Variants in HNRNPAB observed in about 807,000 individuals in gnomAD.
HNRNPAB encodes heterogeneous nuclear ribonucleoprotein A/B, also known as ABBP-1.
A neutral mutation model predicts 44.1 loss-of-function variants in HNRNPAB; 17 were observed. The ratio of observed to expected loss-of-function variants is 0.39; its 90% confidence interval spans 0.26 to 0.58. The LOEUF (loss-of-function observed/expected upper bound fraction) is 0.58. Ranked by LOEUF, HNRNPAB falls within the 20% of genes least tolerant of loss-of-function variation. The pLI, the probability that HNRNPAB is intolerant of heterozygous loss-of-function variation, is 0.63. For missense variants in HNRNPAB, 393 were observed against 432.7 expected (o/e 0.91, Z 0.81); for synonymous variants, 183 against 167.6 (o/e 1.09, Z -0.71).
Position 178,207,033 on chromosome 5 carries a change from G to C in HNRNPAB, c.538-61G>C, listed in dbSNP as rs1159992019. ...TTCAATGGGGTCTTTTCTCCTGTGA[G>C]TCCCCTATATGCTCTGGGGTAGGGA... On this transcript the variant is annotated intron_variant, in intron 4 of 7. Coordinates refer to ENST00000358344, the MANE Select transcript of HNRNPAB (RefSeq NM_031266.3). The C allele has an allele frequency of 3.8e-6, 6 of 1,598,658 alleles. No individual in the cohort carries two copies. In the Admixed American group the frequency reaches 1.0e-4, roughly 27 times the overall value.
At chr5:178,206,595 G>A in intron 3 of HNRNPAB, 137 bp from the exon 4 acceptor site, 1 of 820,464 alleles carries the variant, frequency 1.2e-6, no homozygotes, top group Non-Finnish European at 2.0e-6. Context: ...AAATTGGGTT[G>A]GGAGGTTAAG....
chr5:178,210,119 G>C lies in HNRNPAB; in HGVS notation c.788-13G>C, dbSNP rs761699384. 1.2e-6 allele frequency: 2 copies of C among 1,613,766 alleles called. No homozygotes were observed. Among genetic ancestry groups the C allele is most frequent in the African/African-American group, 2.7e-5 (2 of 74,922 alleles). On this transcript the variant is annotated splice_polypyrimidine_tract_variant and intron_variant, in intron 6 of 7. Coordinates refer to ENST00000358344, the MANE Select transcript of HNRNPAB (RefSeq NM_031266.3). ...AATGGTCCACGGGCCCCTGTGCCCTGCTCCCCCCACAGGTCAGAGTCAGAG... is the reference window on the plus strand; with the variant it reads ...AATGGTCCACGGGCCCCTGTGCCCTCCTCCCCCCACAGGTCAGAGTCAGAG...
chr5:178,210,745 TAAA>T lies in HNRNPAB; in HGVS notation c.*124_*126del. ...TTGCCTGTCCCATGTGCATCTTATTTAAAATTTCCCCCATGGAAATCACTCTCC... is the reference window on the plus strand; with the variant it reads ...TTGCCTGTCCCATGTGCATCTTATTTATTTCCCCCATGGAAATCACTCTCC... On this transcript the variant is annotated 3_prime_UTR_variant, in exon 8 of 8. Coordinates refer to ENST00000358344, the MANE Select transcript of HNRNPAB (RefSeq NM_031266.3). 1.3e-6 allele frequency: 1 copy of T among 756,112 alleles called. No individual in the cohort carries two copies. The highest frequency in any genetic ancestry group is 2.3e-6 in the Non-Finnish European group (1 of 434,192). The allele number at this position is 756,112 out of a possible 1,614,324, so 46.8% of individuals were successfully genotyped here.
At chr5:178,208,226 G>T (rs1160809582) in intron 5 of HNRNPAB, among the ~76,000 whole-genome samples, 1 of 152,212 alleles carries the variant, frequency 6.6e-6, no homozygotes, top group Non-Finnish European at 1.5e-5. Flanking sequence ...TTCTGAGCAG[G>T]AGTTGGCAGC....
At chr5:178,210,063 A>C in intron 6 of HNRNPAB, 69 bp from the exon 7 acceptor site, 1 of 1,583,354 alleles carries the variant, frequency 6.3e-7, no homozygotes, top group South Asian at 1.2e-5. Context: ...AAAGGGCAGG[A>C]TTTCCTCCAT....
intron 6 of HNRNPAB, among the ~76,000 whole-genome samples, chr5:178,209,764 G>T (rs990137243): frequency 2.6e-5 from 4 of 152,162 alleles, no homozygotes; most frequent in African/African-American, 9.7e-5. Context: ...AGGCAGAAGG[G>T]TGGGTAGGGC....
At chr5:178,206,915 C>A in intron 4 of HNRNPAB, 25 bp downstream of exon 4, 4 of 1,612,706 alleles carry the variant, frequency 2.5e-6, no homozygotes, top group Non-Finnish European at 3.4e-6. Flanking sequence ...GGGAATAGCC[C>A]ATCAGCTGCC....
rs1758203928 is a variant in HNRNPAB at position 178,211,112 on chromosome 5, C to T, written c.*489C>T. ...TACACGTGTCCTGATTTTGCCACAA[C>T]CTGGATATTGAAGCTATCCAAGCTT... On this transcript the variant is annotated 3_prime_UTR_variant, in exon 8 of 8. Transcript: ENST00000358344. 6.3e-6 allele frequency: 1 copy of T among 158,838 alleles called. No individual in the cohort carries two copies. The highest frequency in any genetic ancestry group is 1.4e-5 in the Non-Finnish European group (1 of 72,260). The allele number at this position is 158,838 out of a possible 1,614,324, so 9.8% of individuals were successfully genotyped here. A position where few individuals can be genotyped will look rare whatever the true frequency, so the allele number is the denominator to read the frequency against.
intron 3 of HNRNPAB, 88 bp downstream of exon 3, chr5:178,206,098 T>A: frequency 7.6e-7 from 1 of 1,313,314 alleles, no homozygotes; most frequent in Admixed American, 2.1e-5. Context: ...CTAGTTTGTG[T>A]GGTCTGCATG....
rs1358492979 is a variant in HNRNPAB at position 178,210,935 on chromosome 5, TAA to T, written c.*314_*315del. On this transcript the variant is annotated 3_prime_UTR_variant, in exon 8 of 8. Transcript: ENST00000358344. ...AGCCTGGACCTGTGGACCCTGGTTG[TAA>T]AGAGTAAATTGTATCTTAGGAAACC... is the stretch of plus-strand genomic sequence containing the variant. 2.1e-5 allele frequency: 8 copies of T among 385,852 alleles called. No homozygotes were observed. The highest frequency in any genetic ancestry group is 3.8e-5 in the Non-Finnish European group (8 of 213,006). 23.9% of individuals were successfully genotyped at this position (385,852 alleles called of 1,614,324 possible).
In HNRNPAB at chr5:178,209,425, CGGAGGTGGTGGT is replaced by C. The variant is rs770899521; in HGVS notation, c.774_785del (p.Gly260_Gly263del). 15 of 1,613,894 alleles carry C rather than the reference CGGAGGTGGTGGT, an allele frequency of 9.3e-6. No homozygotes were observed. In the South Asian group the frequency reaches 1.1e-4, roughly 12 times the overall value. The stretch of plus-strand genomic sequence containing the variant: ...ACCGCAACCGAGGGAACCGAGGCAG[CGGAGGTGGTGGT>C]GGAGGTGGAGGTGAGTGGAACGTGG... On this transcript the variant is annotated inframe_deletion, in exon 6 of 8. Coordinates refer to ENST00000358344, the MANE Select transcript of HNRNPAB (RefSeq NM_031266.3).
intron 5 of HNRNPAB, chr5:178,208,480 G>A (rs1757218518): frequency 2.0e-5 from 3 of 152,204 alleles, no homozygotes; most frequent in Admixed American, 6.5e-5. Context: ...GTGAGTCTTA[G>A]GAGTAAGTAT....
At chr5:178,205,616 TCTTTG>T (rs1299417603) in intron 2 of HNRNPAB, 8 of 509,502 alleles carry the variant, frequency 1.6e-5, no homozygotes, top group Non-Finnish European at 2.8e-5. Context: ...GGTGGTCCCT[TCTTTG>T]CTTCTCACAG....
intron 7 of HNRNPAB, 120 bp from the exon 8 acceptor site, chr5:178,210,431 AAC>A (rs1196337649): frequency 1.3e-6 from 2 of 1,517,032 alleles, no homozygotes; most frequent in African/African-American, 2.8e-5. Flanking sequence ...GGGTCTTAAT[AAC>A]ATGAGGAAGG....
intron 3 of HNRNPAB, among the ~76,000 whole-genome samples, 162 bp from the exon 4 acceptor site, chr5:178,206,570 C>G (rs1757068615): frequency 6.6e-6 from 1 of 152,140 alleles, no homozygotes; most frequent in African/African-American, 2.4e-5. Context: ...ACCAGCTGTA[C>G]TTGAGGTTTG....
At position 178,204,695 on chromosome 5, in the gene HNRNPAB, C is replaced by G. The variant is rs1037635112; in HGVS notation, c.-69C>G. 5 of 391,166 alleles carry G rather than the reference C, an allele frequency of 1.3e-5. No homozygotes were observed. Among genetic ancestry groups the G allele is most frequent in the Admixed American group, 4.9e-5 (1 of 20,324 alleles). The allele number at this position is 391,166 out of a possible 1,614,324, so 24.2% of individuals were successfully genotyped here. On this transcript the variant is annotated 5_prime_UTR_variant, in exon 1 of 8. Coordinates refer to ENST00000358344, the MANE Select transcript of HNRNPAB (RefSeq NM_031266.3). ...TGCGGCCGAGCCTGCGGCGCCTTCC[C>G]CTGCGGGTGGGGACGAGCGGGCCCC... is the stretch of plus-strand genomic sequence containing the variant.
At position 178,204,757 on chromosome 5, in the gene HNRNPAB, G is replaced by T. The variant is rs1756976486; in HGVS notation, c.-24+17G>T. ...GGCGGCGAGGTGAGCGGCGGCCGGC[G>T]GGCGGGAGCTCTGGCGGGAGCCGCG... On this transcript the variant is annotated intron_variant, in intron 1 of 7. Transcript: ENST00000358344. 1.1e-6 allele frequency: 1 copy of T among 912,828 alleles called. No individual in the cohort carries two copies. Among genetic ancestry groups the T allele is most frequent in the South Asian group, 5.4e-5 (1 of 18,428 alleles). The allele number at this position is 912,828 out of a possible 1,614,324, so 56.5% of individuals were successfully genotyped here. A position where few individuals can be genotyped will look rare whatever the true frequency, so the allele number is the denominator to read the frequency against.
Position 178,204,827 on chromosome 5 carries a change from C to G in HNRNPAB, c.-11C>G. 1.6e-6 allele frequency: 2 copies of G among 1,217,892 alleles called. No homozygotes were observed. The highest frequency in any genetic ancestry group is 7.7e-5 in the South Asian group (2 of 26,056). The allele number at this position is 1,217,892 out of a possible 1,614,324, so 75.4% of individuals were successfully genotyped here. On this transcript the variant is annotated 5_prime_UTR_variant, in exon 2 of 8. Transcript: ENST00000358344. ...CCGCTGGTTGCAGGAGCCGCCGCGCCTCGGCCTAGCATGTCGGAAGCGGGC... is the reference window on the plus strand; with the variant it reads ...CCGCTGGTTGCAGGAGCCGCCGCGCGTCGGCCTAGCATGTCGGAAGCGGGC...
Position 178,204,932 on chromosome 5 carries a change from C to T in HNRNPAB, c.95C>T (p.Ala32Val). 1 of 1,210,486 alleles carries T rather than the reference C, an allele frequency of 8.3e-7. No individual in the cohort carries two copies. The highest frequency in any genetic ancestry group is 1.0e-6 in the Non-Finnish European group (1 of 974,242). 75.0% of individuals were successfully genotyped at this position (1,210,486 alleles called of 1,614,324 possible). Residue 32 changes from alanine (A) to valine (V), a missense_variant, in exon 2 of 8, where the codon GCT becomes GTT. Ala to Val is a moderately conservative substitution (Grantham distance 64, BLOSUM62 0). Transcript: ENST00000358344. ...AVPEGESPAGAGTGAAAGAGG... is the reference protein window; with the variant it reads ...AVPEGESPAGVGTGAAAGAGG... ...CCCGAAGGCGAGTCGCCGGCCGGGG[C>T]TGGCACGGGCGCCGCGGCGGGGGCT...
Sources: gnomAD v4.1 joint callset for allele counts (sites outside exome capture counted in the v4.1 genomes callset) on GRCh38, gnomAD v4.1.1 for gene constraint, MANE v1.5 for transcripts, NCBI Gene and HGNC (gene_info 2026-07-23, HGNC 2026-07-21) for gene names.